TBCD: variants seen among roughly 807,000 people sequenced by gnomAD.
TBCD encodes the protein tubulin folding cofactor D, also known as tubulin-specific chaperone D.
In TBCD, 105 loss-of-function variants were observed where a neutral mutation model predicts 169.3. The ratio of observed to expected loss-of-function variants is 0.62; its 90% CI spans 0.53 to 0.73. TBCD has a LOEUF of 0.73. TBCD is among the 30% of genes least tolerant of loss of function. The pLI is 0.00. For synonymous variants in TBCD, 700 were observed against 643.9 expected (o/e 1.09, Z -1.32); for missense variants, 1,444 against 1,600.1 (o/e 0.90, Z 1.66).
At chr17:82,846,607 C>T (rs2055144202) in intron 13 of TBCD, among the ~76,000 whole-genome samples, 1 of 152,214 alleles carries the variant, frequency 6.6e-6, no homozygotes, top group African/African-American at 2.4e-5. Flanking sequence ...CACAGGCTTG[C>T]TGGCTTGGGT....
At chr17:82,921,009 C>A in intron 24 of TBCD, 1 of 274,756 alleles carries the variant, frequency 3.6e-6, no homozygotes, top group Non-Finnish European at 6.8e-6. Context: ...AGTTCCTCAG[C>A]AGCCCCCCAC....
At chr17:82,838,293 AAG>A (rs1225091878) in intron 13 of TBCD, among the ~76,000 whole-genome samples, 1 of 152,082 alleles carries the variant, frequency 6.6e-6, no homozygotes, top group Non-Finnish European at 1.5e-5. Context: ...ACAAGCTTCT[AAG>A]GAGTTTGAAC....
intron 14 of TBCD, among the ~76,000 whole-genome samples, chr17:82,871,710 G>A (rs1020062838): frequency 1.3e-5 from 2 of 152,232 alleles, no homozygotes; most frequent in African/African-American, 2.4e-5. Flanking sequence ...AGGCTACTGT[G>A]CTGGGTCCCC....
intron 13 of TBCD, among the ~76,000 whole-genome samples, chr17:82,856,156 G>C (rs1238596570): frequency 4.0e-5 from 6 of 151,140 alleles, no homozygotes; most frequent in African/African-American, 1.5e-4. Context: ...CATATAGTAA[G>C]ACAAAGACAC....
intron 13 of TBCD, among the ~76,000 whole-genome samples, chr17:82,865,932 C>T (rs1460288476): frequency 1.3e-5 from 2 of 152,164 alleles, no homozygotes; most frequent in Non-Finnish European, 2.9e-5. Context: ...AATTACATGG[C>T]TGGACCTGGG....
Position 82,850,453 on chromosome 17 carries a change from CTGTTGGCTGTGCTGT to C in TBCD, c.1319-19739_1319-19725del, listed in dbSNP as rs1257673638. ...TGCTGTTGTTGGCTGTGCTGTTTTGCTGTTGGCTGTGCTGTTGTTGGCTGTGCTGTTGTTGGCTGT... is the reference window on the plus strand; with the variant it reads ...TGCTGTTGTTGGCTGTGCTGTTTTGCTGTTGGCTGTGCTGTTGTTGGCTGT... On this transcript the variant is annotated intron_variant, in intron 13 of 38. Coordinates refer to ENST00000355528, the MANE Select transcript of TBCD (RefSeq NM_005993.5). Among the ~76,000 whole-genome samples the C allele has an allele frequency of 2.6e-3, 340 of 132,244 alleles. 5 individuals carry two copies. Among genetic ancestry groups the C allele is most frequent in the African/African-American group, 8.7e-3 (281 of 32,176 alleles). The allele number at this position is 132,244 out of a possible 152,430, so 86.8% of individuals were successfully genotyped here. A position where few individuals can be genotyped will look rare whatever the true frequency, so the allele number is the denominator to read the frequency against.
At chr17:82,859,778 T>G in intron 13 of TBCD, 2 of 985,432 alleles carry the variant, frequency 2.0e-6, no homozygotes, top group Non-Finnish European at 2.4e-6. Flanking sequence ...TAAAGTGTCT[T>G]CAGAGCCACC....
intron 22 of TBCD, 85 bp downstream of exon 22, chr17:82,909,392 C>G: frequency 1.7e-6 from 2 of 1,153,436 alleles, no homozygotes; most frequent in South Asian, 2.9e-5. Flanking sequence ...GGTGTGTTCG[C>G]TTCCCTCTCT....
At position 82,878,523 on chromosome 17, in the gene TBCD, C is replaced by T. The variant is rs1182876474; in HGVS notation, c.1476-5622C>T. On this transcript the variant is annotated intron_variant, in intron 14 of 38. Coordinates refer to ENST00000355528, the MANE Select transcript of TBCD (RefSeq NM_005993.5). ...CTCTCTGATGCTTTCTCGTGTGTTA[C>T]TGGAAAGAGTGATGTGAGGTGACCT... Among the ~76,000 whole-genome samples the T allele has an allele frequency of 3.5e-5, 5 of 142,764 alleles. No homozygotes were observed. The South Asian group carries it at 9.1e-4, about 26-fold the overall frequency. The allele number at this position is 142,764 out of a possible 152,430, so 93.7% of individuals were successfully genotyped here. A position where few individuals can be genotyped will look rare whatever the true frequency, so the allele number is the denominator to read the frequency against.
At position 82,903,383 on chromosome 17, in the gene TBCD, G is replaced by A. The variant is rs977544087; in HGVS notation, c.1731-22G>A. On this transcript the variant is annotated intron_variant, in intron 18 of 38. Coordinates refer to ENST00000355528, the MANE Select transcript of TBCD (RefSeq NM_005993.5). The surrounding 1 kb of genome is among the most constrained non-coding windows in gnomAD (Gnocchi z 4.8). ...AGAATCATAAAATGAAGGCACTTAC[G>A]ACATTCTCTCCTCACTCTCAGGGTC... 2.5e-6 allele frequency: 4 copies of A among 1,588,630 alleles called. No individual in the cohort carries two copies. The highest frequency in any genetic ancestry group is 2.3e-5 in the East Asian group (1 of 43,878).
chr17:82,932,562 C>T lies in TBCD; in HGVS notation c.3114-96C>T, dbSNP rs191632872. ...CACGTAAATTATAAAGGGGGCTTGT[C>T]GCTTTCCACTGGGATCCTGCTGACT... On this transcript the variant is annotated intron_variant, in intron 33 of 38. Transcript: ENST00000355528. 1,466 of 943,984 alleles carry T rather than the reference C, an allele frequency of 1.6e-3. 4 individuals are homozygous for T. Among genetic ancestry groups the T allele is most frequent in the Admixed American group, 4.2e-3 (214 of 51,036 alleles). 58.5% of individuals were successfully genotyped at this position (943,984 alleles called of 1,614,324 possible). A position where few individuals can be genotyped will look rare whatever the true frequency, so the allele number is the denominator to read the frequency against.
intron 8 of TBCD, among the ~76,000 whole-genome samples, chr17:82,799,441 CAAAAAAA>C (rs61017445): frequency 4.1e-5 from 3 of 72,620 alleles, no homozygotes; most frequent in East Asian, 4.7e-4. Context: ...GACTCTGTCT[CAAAAAAA>C]AAAAAAAAAA....
At chr17:82,830,301 G>A in intron 13 of TBCD, 1 of 1,614,224 alleles carries the variant, frequency 6.2e-7, no homozygotes. Context: ...TCTCCATGGA[G>A]CTCAGTGTGG....
rs960691241 is a variant in TBCD at position 82,922,740 on chromosome 17, C to T, written c.2179-912C>T. Among the ~76,000 whole-genome samples the T allele has an allele frequency of 6.6e-6, 1 of 152,256 alleles. No homozygotes were observed. The highest frequency in any genetic ancestry group is 2.4e-5 in the African/African-American group (1 of 41,474). On this transcript the variant is annotated intron_variant, in intron 25 of 38. Transcript: ENST00000355528. This position sits in a 1 kb window ranked among gnomAD's most constrained non-coding sequence, Gnocchi z 4.1. The stretch of plus-strand genomic sequence containing the variant: ...CTGTAGACGACGCACCTCCTCTGCT[C>T]ATGGCCCCCACCTGCCCCGCCCCCA...
chr17:82,773,101 T>C (rs991363759), intron 6 of TBCD, among the ~76,000 whole-genome samples: 3 of 152,230 alleles, frequency 2.0e-5, no homozygotes, highest in Non-Finnish European at 4.4e-5. Flanking sequence ...ATTTTAAGTA[T>C]GTATGTAGTT....
chr17:82,856,150 T>C (rs116905847), intron 13 of TBCD, among the ~76,000 whole-genome samples: 16,212 of 151,456 alleles, frequency 0.11, 1,153 homozygotes, highest in South Asian at 0.29. Context: ...AAAATTCATA[T>C]AGTAAGACAA....
intron 32 of TBCD, chr17:82,929,709 G>T: frequency 2.8e-6 from 2 of 713,806 alleles, no homozygotes; most frequent in South Asian, 1.6e-5. Context: ...TCTGATGAAG[G>T]TGGGACAGGG....
At chr17:82,888,414 G>A (rs2058899319) in intron 15 of TBCD, among the ~76,000 whole-genome samples, 1 of 152,254 alleles carries the variant, frequency 6.6e-6, no homozygotes, top group East Asian at 1.9e-4. Flanking sequence ...AGATACCACT[G>A]GAATGGTACA....
chr17:82,795,291 G>T (rs2050021292), intron 7 of TBCD, among the ~76,000 whole-genome samples: 1 of 152,142 alleles, frequency 6.6e-6, no homozygotes, highest in South Asian at 2.1e-4. Flanking sequence ...GAGACCAGGG[G>T]ACATGTTAGC....
Sources: gnomAD v4.1 joint callset for allele counts (sites outside exome capture counted in the v4.1 genomes callset) on GRCh38, gnomAD v4.1.1 for gene constraint, Gnocchi (gnomAD v3.1) non-coding constraint, MANE v1.5 for transcripts, NCBI Gene and HGNC (gene_info 2026-07-23, HGNC 2026-07-21) for gene names.